BACE2: variants seen among roughly 807,000 people sequenced by gnomAD.
BACE2 encodes the protein beta-secretase 2.
BACE2 carries 17 observed loss-of-function variants against 46.2 expected under a neutral mutation model. The ratio of observed to expected loss-of-function variants is 0.37; its 90% CI spans 0.25 to 0.55. The LOEUF (loss-of-function observed/expected upper bound fraction) is 0.55, where lower values mean the gene tolerates loss of function less well. Among genes scored for constraint, BACE2 ranks in the 20% least tolerant of loss-of-function variants. The pLI, the probability that BACE2 is intolerant of heterozygous loss-of-function variation, is 0.82. For missense variants in BACE2, 595 were observed against 698.1 expected, an observed-to-expected ratio of 0.85 and a Z score of 1.66; for synonymous variants, 277 against 295.9, an observed-to-expected ratio of 0.94 and a Z score of 0.66.
At chr21:41,198,371 C>T (rs576415066) in intron 1 of BACE2, among the ~76,000 whole-genome samples, 4 of 152,254 alleles carry the variant, frequency 2.6e-5, no homozygotes, top group African/African-American at 9.6e-5. Context: ...TGAAGCCTTG[C>T]GGGGAATGAT....
At chr21:41,179,369 G>T in intron 1 of BACE2, 1 of 1,324,326 alleles carries the variant, frequency 7.6e-7, no homozygotes, top group Non-Finnish European at 1.0e-6. Flanking sequence ...GGTGTCCAGG[G>T]TGAGGAGTGA....
chr21:41,171,505 C>T (rs898551145), intron 1 of BACE2, among the ~76,000 whole-genome samples: 56 of 152,236 alleles, frequency 3.7e-4, no homozygotes, highest in Non-Finnish European at 2.2e-4. Context: ...GGCAGGGCCA[C>T]GTTGGCATGG....
At position 41,237,631 on chromosome 21, in the gene BACE2, C is replaced by A. The variant is rs138254280; in HGVS notation, c.520C>A (p.Leu174Ile). 7.4e-6 allele frequency: 12 copies of A among 1,614,082 alleles called. No homozygotes were observed. The African/African-American group carries it at 1.6e-4, about 22-fold the overall frequency. Residue 174 changes from leucine to isoleucine, a missense_variant, in exon 3 of 9, where the codon CTT (leucine) becomes ATT (isoleucine). Around this residue, in one of 3 missense-constraint regions of BACE2, gnomAD observed 248 missense variants for 261.4 expected, o/e 0.95. Transcript: ENST00000330333. ...TIPKGFNTSF[L>I]VNIATIFESE... is the part of the protein sequence containing the mutation. ...CCCCAAAGGCTTCAATACTTCTTTT[C>A]TTGTCAACATTGCCACTATTTTTGA...
chr21:41,176,973 A>AG (rs1984876361), intron 1 of BACE2: 1 of 152,234 alleles, frequency 6.6e-6, no homozygotes, highest in Non-Finnish European at 1.5e-5. Flanking sequence ...TTGTTGCCCA[A>AG]GTAACTGCAA....
intron 1 of BACE2, among the ~76,000 whole-genome samples, chr21:41,222,751 G>A (rs80303768): frequency 0.024 from 3,666 of 152,316 alleles, 62 homozygotes; most frequent in Non-Finnish European, 0.037. Flanking sequence ...CAGTGGTGTG[G>A]ACCCCCACAG....
At position 41,227,456 on chromosome 21, in the gene BACE2, G is replaced by A. The variant is rs1048412556; in HGVS notation, c.401+1102G>A. On this transcript the variant is annotated intron_variant, in intron 2 of 8. Transcript: ENST00000330333. ...AGAATAACTGAAGTCTTCTGAAAAT[G>A]CCAGGCAATTTAATAAAGCCAGATG... Among the ~76,000 whole-genome samples, 6 of 152,228 alleles carry A rather than the reference G, an allele frequency of 3.9e-5. No homozygotes were observed. In the East Asian group the frequency reaches 1.2e-3, roughly 29 times the overall value.
intron 2 of BACE2, among the ~76,000 whole-genome samples, chr21:41,235,752 G>A (rs1601294312): frequency 6.6e-6 from 1 of 152,240 alleles, no homozygotes; most frequent in Admixed American, 6.5e-5. Flanking sequence ...AGAGGTGGGA[G>A]GATCTCCTGA....
At chr21:41,207,051 G>A (rs1986148923) in intron 1 of BACE2, among the ~76,000 whole-genome samples, 1 of 152,134 alleles carries the variant, frequency 6.6e-6, no homozygotes, top group South Asian at 2.1e-4. Context: ...ATCAACTCTT[G>A]AGCAAAAGAG....
At chr21:41,170,916 G>A (rs377593792) in intron 1 of BACE2, among the ~76,000 whole-genome samples, 2 of 152,150 alleles carry the variant, frequency 1.3e-5, no homozygotes, top group Non-Finnish European at 2.9e-5. Flanking sequence ...ACCACCCCTC[G>A]GGGGTCTTAT....
At chr21:41,183,321 C>T (rs1985216981) in intron 1 of BACE2, 1 of 166,886 alleles carries the variant, frequency 6.0e-6, no homozygotes, top group South Asian at 2.1e-4. Flanking sequence ...AACTAATAAG[C>T]TTTCAGTAGT....
chr21:41,275,279 G>T (rs1307273591), intron 8 of BACE2, 92 bp from the exon 9 acceptor site: 2 of 1,555,110 alleles, frequency 1.3e-6, no homozygotes, highest in Non-Finnish European at 1.7e-6. Context: ...CTTTAACTGT[G>T]GTTTAATAAA....
At chr21:41,267,098 T>A (rs1409779420) in intron 8 of BACE2, among the ~76,000 whole-genome samples, 1 of 152,118 alleles carries the variant, frequency 6.6e-6, no homozygotes, top group South Asian at 2.1e-4. Context: ...ATACACCTGG[T>A]CAACATCCTC....
At chr21:41,214,908 G>C (rs1351374891) in intron 1 of BACE2, among the ~76,000 whole-genome samples, 1 of 152,040 alleles carries the variant, frequency 6.6e-6, no homozygotes, top group African/African-American at 2.4e-5. Context: ...GGAACACCAT[G>C]TAAAGTTAGA....
intron 1 of BACE2, among the ~76,000 whole-genome samples, chr21:41,209,048 C>T (rs991524461): frequency 2.6e-5 from 4 of 152,220 alleles, no homozygotes; most frequent in Admixed American, 6.5e-5. Flanking sequence ...CGCTCCCAAA[C>T]GTTCTGTCGT....
At chr21:41,260,314 T>G (rs992985000) in intron 8 of BACE2, among the ~76,000 whole-genome samples, 1 of 152,032 alleles carries the variant, frequency 6.6e-6, no homozygotes, top group Non-Finnish European at 1.5e-5. Context: ...CAGAAAATTT[T>G]TGGTATTTTG....
At chr21:41,200,498 C>G (rs889022141) in intron 1 of BACE2, among the ~76,000 whole-genome samples, 3 of 152,158 alleles carry the variant, frequency 2.0e-5, no homozygotes, top group Admixed American at 2.0e-4. Context: ...GGATTGTAAC[C>G]CCATGTTCTG....
chr21:41,204,387 G>A (rs1480612405), intron 1 of BACE2, among the ~76,000 whole-genome samples: 2 of 152,088 alleles, frequency 1.3e-5, no homozygotes, highest in African/African-American at 2.4e-5. Context: ...GATGTCCCAT[G>A]TATAATAAGC....
intron 2 of BACE2, among the ~76,000 whole-genome samples, chr21:41,235,380 T>C (rs79039740): frequency 0.043 from 6,476 of 152,304 alleles, 456 homozygotes; most frequent in African/African-American, 0.15. Context: ...ATTTGGATGG[T>C]TTCCAGCTGT....
At chr21:41,275,256 G>A in intron 8 of BACE2, 115 bp from the exon 9 acceptor site, 1 of 1,429,740 alleles carries the variant, frequency 7.0e-7, no homozygotes, top group African/African-American at 1.4e-5. Context: ...TAAGCCACTG[G>A]GACCTCAGTG....
Sources: allele counts gnomAD v4.1 joint callset (sites outside exome capture counted in the v4.1 genomes callset), GRCh38; gene constraint gnomAD v4.1.1; regional missense constraint gnomAD v4.1.1; transcripts MANE v1.5; gene names NCBI Gene and HGNC (gene_info 2026-07-23, HGNC 2026-07-21).